Variants in GPC6 observed in about 807,000 individuals in gnomAD.
The protein encoded by GPC6 is glypican-6.
Under a neutral mutation model 55.2 loss-of-function variants are expected in GPC6, and 14 were observed. That is an observed-to-expected ratio of 0.25 (90% CI 0.17 to 0.40). GPC6 has a LOEUF of 0.40. Ranked by LOEUF, GPC6 falls within the 10% of genes least tolerant of loss-of-function variation. GPC6 has a pLI of 1.00. For missense variants in GPC6, 641 were observed against 708.5 expected (o/e 0.90, Z 1.08); for synonymous variants, 278 against 259.6 (o/e 1.07, Z -0.68).
chr13:93,900,816 T>A (rs973166040), intron 3 of GPC6, among the ~76,000 whole-genome samples: 5 of 152,000 alleles, frequency 3.3e-5, no homozygotes, highest in African/African-American at 1.2e-4. Flanking sequence ...AAATAAAAAA[T>A]TTTAAAAATT....
Position 94,288,027 on chromosome 13 carries a change from A to T in GPC6, c.1008+1548A>T, listed in dbSNP as rs543691243. On this transcript the variant is annotated intron_variant, in intron 5 of 8. Coordinates refer to ENST00000377047, the MANE Select transcript of GPC6 (RefSeq NM_005708.5). ...TTTCATTCCATTCATTCATTCATTC[A>T]TCAAATATTTTTTGGGAATCCATGT... Among the ~76,000 whole-genome samples, 10 of 152,220 alleles carry T rather than the reference A, an allele frequency of 6.6e-5. No homozygotes were observed. The South Asian group carries it at 1.5e-3, about 22-fold the overall frequency.
chr13:94,016,155 G>A (rs1882458436), intron 3 of GPC6, among the ~76,000 whole-genome samples: 1 of 152,110 alleles, frequency 6.6e-6, no homozygotes, highest in Non-Finnish European at 1.5e-5. Flanking sequence ...TTTTGTGACT[G>A]GCTTATTTTA....
chr13:93,688,201 G>C (rs1340813504), intron 2 of GPC6, among the ~76,000 whole-genome samples: 1 of 151,974 alleles, frequency 6.6e-6, no homozygotes, highest in Non-Finnish European at 1.5e-5. Context: ...ATAGAGTGTG[G>C]GGTGGCAGAT....
intron 2 of GPC6, among the ~76,000 whole-genome samples, chr13:93,547,516 A>G (rs184658130): frequency 9.9e-5 from 15 of 152,266 alleles, no homozygotes; most frequent in Admixed American, 4.6e-4. Context: ...CTCCCTCCCT[A>G]TAGGTATATA....
chr13:93,981,315 T>C, intron 3 of GPC6, among the ~76,000 whole-genome samples: 1 of 152,192 alleles, frequency 6.6e-6, no homozygotes. Context: ...ACATAAATAA[T>C]TTCTTATGCA....
chr13:94,191,348 A>C (rs577249085), intron 4 of GPC6, among the ~76,000 whole-genome samples: 1 of 152,296 alleles, frequency 6.6e-6, no homozygotes, highest in East Asian at 1.9e-4. Flanking sequence ...TTTTGGCAGC[A>C]TGGGCTGGCT....
intron 1 of GPC6, among the ~76,000 whole-genome samples, chr13:93,350,687 G>C (rs1880601972): frequency 6.6e-6 from 1 of 152,026 alleles, no homozygotes; most frequent in South Asian, 2.1e-4. Context: ...CTGCATTGTA[G>C]AATATTTTAT....
At chr13:93,736,521 G>A (rs1482094402) in intron 2 of GPC6, among the ~76,000 whole-genome samples, 1 of 152,150 alleles carries the variant, frequency 6.6e-6, no homozygotes, top group Non-Finnish European at 1.5e-5. Flanking sequence ...AGGGGTAGGA[G>A]ATGTGGCATT....
At chr13:93,740,841 A>G (rs980174863) in intron 2 of GPC6, among the ~76,000 whole-genome samples, 1 of 152,228 alleles carries the variant, frequency 6.6e-6, no homozygotes, top group African/African-American at 2.4e-5. Context: ...CATTGTGGCT[A>G]ATTTTGAGGC....
intron 2 of GPC6, among the ~76,000 whole-genome samples, chr13:93,558,977 G>C (rs193107633): frequency 4.4e-4 from 67 of 152,178 alleles, no homozygotes; most frequent in Admixed American, 4.0e-3. Flanking sequence ...TTTATATGTG[G>C]CCACTACAAT....
intron 2 of GPC6, among the ~76,000 whole-genome samples, chr13:93,829,567 T>C (rs1887402415): frequency 6.6e-6 from 1 of 152,226 alleles, no homozygotes; most frequent in African/African-American, 2.4e-5. Flanking sequence ...TATGGCCACC[T>C]AAATTATGCT....
intron 3 of GPC6, among the ~76,000 whole-genome samples, chr13:94,026,750 A>G (rs1287100829): frequency 6.6e-6 from 1 of 152,156 alleles, no homozygotes; most frequent in Admixed American, 6.5e-5. Flanking sequence ...AGAAACTACA[A>G]TCATGGCAGA....
intron 2 of GPC6, among the ~76,000 whole-genome samples, chr13:93,773,459 T>C (rs1196467193): frequency 1.3e-5 from 2 of 152,072 alleles, no homozygotes; most frequent in Non-Finnish European, 1.5e-5. Flanking sequence ...GCAGCTGATT[T>C]TTTTTTTGAT....
intron 1 of GPC6, among the ~76,000 whole-genome samples, chr13:93,318,239 T>C (rs1879309624): frequency 6.6e-6 from 1 of 152,154 alleles, no homozygotes; most frequent in African/African-American, 2.4e-5. Flanking sequence ...TCTAGTTTGT[T>C]GAATGGTTCA....
At chr13:94,270,512 T>C (rs1891957539) in intron 4 of GPC6, among the ~76,000 whole-genome samples, 1 of 152,244 alleles carries the variant, frequency 6.6e-6, no homozygotes. Context: ...TTGTGCCTAT[T>C]AGAGTTAACA....
At chr13:94,151,402 T>C (rs1887736038) in intron 4 of GPC6, among the ~76,000 whole-genome samples, 2 of 152,168 alleles carry the variant, frequency 1.3e-5, no homozygotes, top group South Asian at 4.1e-4. Context: ...CCCTTGACAC[T>C]ACACTGAGAG....
intron 3 of GPC6, among the ~76,000 whole-genome samples, chr13:93,850,700 A>T (rs1888361022): frequency 6.6e-6 from 1 of 151,936 alleles, no homozygotes; most frequent in Admixed American, 6.6e-5. Context: ...GAGAAACTTG[A>T]TGTAATCCAG....
At chr13:93,560,799 C>T (rs1386901152) in intron 2 of GPC6, among the ~76,000 whole-genome samples, 2 of 151,526 alleles carry the variant, frequency 1.3e-5, no homozygotes, top group East Asian at 1.9e-4. Context: ...TGCTCAATAT[C>T]CAGCATAACC....
At chr13:94,213,227 C>A (rs1890134167) in intron 4 of GPC6, among the ~76,000 whole-genome samples, 1 of 152,170 alleles carries the variant, frequency 6.6e-6, no homozygotes, top group African/African-American at 2.4e-5. Flanking sequence ...CTCTTCTCTT[C>A]TCTTTCTCTC....
Sources: gnomAD v4.1 joint callset for allele counts (sites outside exome capture counted in the v4.1 genomes callset) on GRCh38, gnomAD v4.1.1 for gene constraint, MANE v1.5 for transcripts, NCBI Gene and HGNC (gene_info 2026-07-23, HGNC 2026-07-21) for gene names.